TXN: variants seen among roughly 807,000 people sequenced by gnomAD.
The protein encoded by TXN is thioredoxin.
TXN carries 10 observed loss-of-function variants against 16.5 expected under a neutral mutation model. The ratio of observed to expected loss-of-function variants is 0.61; its 90% CI spans 0.37 to 1.03. The LOEUF is 1.03. TXN is among the 50% of genes least tolerant of loss of function. The pLI, the probability that TXN is intolerant of heterozygous loss-of-function variation, is 0.01. For missense variants in TXN, 71 were observed against 122.5 expected (o/e 0.58, Z 1.98); for synonymous variants, 35 against 39.4 (o/e 0.89, Z 0.42).
chr9:110,255,939 C>G (rs1050515166), intron 1 of TXN, among the ~76,000 whole-genome samples: 7 of 152,322 alleles, frequency 4.6e-5, no homozygotes, highest in Admixed American at 2.0e-4. Context: ...TGCAAGGGCC[C>G]TCCCTATCCT....
chr9:110,253,765 T>C, intron 1 of TXN, among the ~76,000 whole-genome samples: 1 of 152,224 alleles, frequency 6.6e-6, no homozygotes, highest in South Asian at 2.1e-4. Context: ...TCTCTTCTGA[T>C]ACTTCTAAAC....
At chr9:110,245,644 ATATATATATAT>A (rs1296002060) in intron 3 of TXN, among the ~76,000 whole-genome samples, 1 of 27,606 alleles carries the variant, frequency 3.6e-5, no homozygotes, top group Non-Finnish European at 6.2e-5. Flanking sequence ...ATATATATAT[ATATATATATAT>A]TTTTTTTTTT....
intron 1 of TXN, among the ~76,000 whole-genome samples, chr9:110,255,964 A>G (rs1482176455): frequency 1.3e-5 from 2 of 152,130 alleles, no homozygotes; most frequent in African/African-American, 4.8e-5. Flanking sequence ...TGGGGCCTGA[A>G]TCTGGATACA....
At chr9:110,245,648 ATATATATTTTTTT>A (rs1837645833) in intron 3 of TXN, among the ~76,000 whole-genome samples, 1 of 23,530 alleles carries the variant, frequency 4.2e-5, no homozygotes, top group Non-Finnish European at 7.1e-5. Flanking sequence ...ATATATATAT[ATATATATTTTTTT>A]TTTTTTTTTT....
Position 110,256,306 on chromosome 9 carries a change from C to T in TXN, c.24+106G>A, listed in dbSNP as rs1314513039. The T allele has an allele frequency of 1.6e-6, 2 of 1,214,730 alleles. No individual in the cohort carries two copies. The highest frequency in any genetic ancestry group is 2.3e-6 in the Non-Finnish European group (2 of 854,832). The allele number at this position is 1,214,730 out of a possible 1,614,324, so 75.2% of individuals were successfully genotyped here. On this transcript the variant is annotated intron_variant, in intron 1 of 4. Coordinates refer to ENST00000374517, the MANE Select transcript of TXN (RefSeq NM_003329.4). The surrounding 1 kb of genome is among the most constrained non-coding windows in gnomAD (Gnocchi z 4.2). Reference sequence around the variant, plus strand: ...TTCCCCTGGCGATGCGGAGGGGCGGCCTCCGCACCTCCCGCCACCGCCTTC... The same window carrying T: ...TTCCCCTGGCGATGCGGAGGGGCGGTCTCCGCACCTCCCGCCACCGCCTTC...
intron 4 of TXN, 23 bp downstream of exon 4, chr9:110,244,754 GT>G: frequency 1.2e-6 from 2 of 1,600,524 alleles, no homozygotes; most frequent in South Asian, 2.2e-5. Context: ...CCCAGTTAGA[GT>G]TTTAAAGGTC....
intron 3 of TXN, among the ~76,000 whole-genome samples, chr9:110,245,987 C>A (rs549847976): frequency 3.4e-4 from 52 of 151,974 alleles, no homozygotes; most frequent in Non-Finnish European, 1.2e-4. Context: ...ATTGCTTGAA[C>A]CTGGGAGGCG....
At position 110,244,744 on chromosome 9, in the gene TXN, C is replaced by T. The variant is rs540984322; in HGVS notation, c.255+34G>A. 11 of 1,566,036 alleles carry T rather than the reference C, an allele frequency of 7.0e-6. No individual in the cohort carries two copies. In the Admixed American group the frequency reaches 8.4e-5, roughly 12 times the overall value. The stretch of plus-strand genomic sequence containing the variant: ...TTCACTTATACTGGGTTTCCTATTG[C>T]CCAGTTAGAGTTTTAAAGGTCAGAT... On this transcript the variant is annotated intron_variant, in intron 4 of 4. Coordinates refer to ENST00000374517, the MANE Select transcript of TXN (RefSeq NM_003329.4).
At chr9:110,247,322 C>CAAAA (rs5899888) in intron 3 of TXN, among the ~76,000 whole-genome samples, 3 of 82,726 alleles carry the variant, frequency 3.6e-5, no homozygotes, top group Admixed American at 1.4e-4. Context: ...GACTCTGTCT[C>CAAAA]AAAAAAAAAA....
At chr9:110,245,648 ATATATATT>A (rs1198397100) in intron 3 of TXN, among the ~76,000 whole-genome samples, 129 of 23,474 alleles carry the variant, frequency 5.5e-3, no homozygotes, top group African/African-American at 0.026. Context: ...ATATATATAT[ATATATATT>A]TTTTTTTTTT....
At chr9:110,251,189 G>A (rs934777224) in intron 2 of TXN, among the ~76,000 whole-genome samples, 169 bp downstream of exon 2, 2 of 152,000 alleles carry the variant, frequency 1.3e-5, no homozygotes, top group South Asian at 4.2e-4. Flanking sequence ...TGGGCTACAT[G>A]TATCAAACCT....
chr9:110,245,577 T>TATATATATA, intron 3 of TXN, among the ~76,000 whole-genome samples: 1 of 108,856 alleles, frequency 9.2e-6, no homozygotes, highest in African/African-American at 3.5e-5. Flanking sequence ...ACCTGGCTAA[T>TATATATATA]TTTGTGTGTG....
chr9:110,245,639 TA>T (rs1564367407), intron 3 of TXN, among the ~76,000 whole-genome samples: 536 of 30,622 alleles, frequency 0.018, 63 homozygotes, highest in African/African-American at 0.075. Flanking sequence ...TATATATATA[TA>T]TATATATATA....
chr9:110,254,444 C>T (rs1409863831), intron 1 of TXN, among the ~76,000 whole-genome samples: 1 of 152,218 alleles, frequency 6.6e-6, no homozygotes, highest in Non-Finnish European at 1.5e-5. Context: ...ATCGCTTGAA[C>T]TCAGGAGGTG....
At chr9:110,255,326 A>C (rs927672745) in intron 1 of TXN, among the ~76,000 whole-genome samples, 1 of 152,178 alleles carries the variant, frequency 6.6e-6, no homozygotes, top group Non-Finnish European at 1.5e-5. Context: ...CATTTAACAA[A>C]TATTTCTGGA....
chr9:110,252,223 CAAAAA>C (rs377246017), intron 1 of TXN, among the ~76,000 whole-genome samples: 11,590 of 58,006 alleles, frequency 0.2, 593 homozygotes, highest in Middle Eastern at 0.24. Flanking sequence ...GACTCTGTCG[CAAAAA>C]AAAAAAAAAA....
intron 3 of TXN, among the ~76,000 whole-genome samples, chr9:110,246,404 C>T (rs1042885693): frequency 5.9e-5 from 9 of 152,134 alleles, no homozygotes; most frequent in African/African-American, 1.9e-4. Flanking sequence ...ACCCCATGCT[C>T]AACACATTGT....
intron 3 of TXN, among the ~76,000 whole-genome samples, chr9:110,250,494 A>G (rs1837719006): frequency 6.6e-6 from 1 of 152,244 alleles, no homozygotes; most frequent in African/African-American, 2.4e-5. Context: ...CATCAAGCCT[A>G]TGGATGTAAT....
Position 110,256,490 on chromosome 9 carries a change from A to T in TXN, c.-55T>A. On this transcript the variant is annotated 5_prime_UTR_variant, in exon 1 of 5. Transcript: ENST00000374517. This position sits in a 1 kb window ranked among gnomAD's most constrained non-coding sequence, Gnocchi z 4.2. ...TAAGGACCGATGGAAATGGATCCAA[A>T]GCACCAAACAGAGCTTCAAGACTCG... 1 of 1,564,480 alleles carries T rather than the reference A, an allele frequency of 6.4e-7. No homozygotes were observed.
Sources: gnomAD v4.1 joint callset for allele counts (sites outside exome capture counted in the v4.1 genomes callset) on GRCh38, gnomAD v4.1.1 for gene constraint, Gnocchi (gnomAD v3.1) non-coding constraint, MANE v1.5 for transcripts, NCBI Gene and HGNC (gene_info 2026-07-23, HGNC 2026-07-21) for gene names.